Variants in MTUS2 observed in about 807,000 individuals in gnomAD.
MTUS2 encodes microtubule-associated tumor suppressor candidate 2.
In MTUS2, 40 loss-of-function variants were observed where a neutral mutation model predicts 114.1. The ratio of observed to expected loss-of-function variants is 0.35; its 90% CI spans 0.27 to 0.46. The LOEUF is 0.46. Among genes scored for constraint, MTUS2 ranks in the 20% least tolerant of loss-of-function variants. MTUS2 has a pLI of 1.00. For missense variants in MTUS2, 1,679 were observed against 1,705.4 expected (o/e 0.98, Z 0.27); for synonymous variants, 688 against 672.0 (o/e 1.02, Z -0.37).
chr13:29,445,064 G>C (rs564614886), intron 9 of MTUS2, among the ~76,000 whole-genome samples: 1 of 152,192 alleles, frequency 6.6e-6, no homozygotes, highest in African/African-American at 2.4e-5. Context: ...TATCACGACT[G>C]TATCTTCTAG....
intron 2 of MTUS2, among the ~76,000 whole-genome samples, chr13:29,004,270 A>C (rs1885509749): frequency 6.6e-6 from 1 of 152,222 alleles, no homozygotes; most frequent in Admixed American, 6.5e-5. Context: ...TATCCATGTA[A>C]ATGTAATAAA....
At chr13:29,140,866 A>G (rs1052210936) in intron 5 of MTUS2, among the ~76,000 whole-genome samples, 1 of 152,174 alleles carries the variant, frequency 6.6e-6, no homozygotes, top group Non-Finnish European at 1.5e-5. Context: ...ACAGCAAAGT[A>G]TATGCTCATG....
At chr13:29,426,403 G>A (rs558862559) in intron 8 of MTUS2, among the ~76,000 whole-genome samples, 23 of 152,308 alleles carry the variant, frequency 1.5e-4, no homozygotes, top group African/African-American at 4.6e-4. Flanking sequence ...TTACGCCATC[G>A]TAAAGTGGAA....
At chr13:28,978,462 G>A (rs1884215523) in intron 2 of MTUS2, among the ~76,000 whole-genome samples, 2 of 152,152 alleles carry the variant, frequency 1.3e-5, no homozygotes, top group African/African-American at 2.4e-5. Context: ...AGAATGAGAA[G>A]GGGGATATCA....
At chr13:28,945,247 C>T (rs1181105731) in intron 2 of MTUS2, among the ~76,000 whole-genome samples, 2 of 151,340 alleles carry the variant, frequency 1.3e-5, no homozygotes, top group Non-Finnish European at 2.9e-5. Flanking sequence ...AGGTTGATTC[C>T]ATATCTTTGC....
intron 5 of MTUS2, among the ~76,000 whole-genome samples, chr13:29,156,600 C>G (rs533055420): frequency 6.6e-6 from 1 of 152,130 alleles, no homozygotes; most frequent in African/African-American, 2.4e-5. Flanking sequence ...ACTAGACTCT[C>G]TGAGCTTCTT....
intron 9 of MTUS2, among the ~76,000 whole-genome samples, chr13:29,445,505 A>G (rs557320471): frequency 1.3e-5 from 2 of 152,324 alleles, no homozygotes; most frequent in East Asian, 3.9e-4. Flanking sequence ...AGAGCAAGGT[A>G]TATGGCAGGG....
chr13:29,290,064 C>T (rs983069613), intron 6 of MTUS2, among the ~76,000 whole-genome samples: 1 of 152,168 alleles, frequency 6.6e-6, no homozygotes, highest in Non-Finnish European at 1.5e-5. Flanking sequence ...ACCTGTCGTT[C>T]TACATATCTT....
At chr13:29,022,828 A>G (rs1397858906) in intron 2 of MTUS2, among the ~76,000 whole-genome samples, 4 of 152,248 alleles carry the variant, frequency 2.6e-5, no homozygotes, top group African/African-American at 9.6e-5. Flanking sequence ...ACAGAAAAGC[A>G]TATCCTGTGT....
At chr13:29,013,506 A>C (rs1885937838) in intron 2 of MTUS2, among the ~76,000 whole-genome samples, 1 of 152,216 alleles carries the variant, frequency 6.6e-6, no homozygotes, top group Non-Finnish European at 1.5e-5. Flanking sequence ...GCTTTATTTT[A>C]GGTATTATTT....
chr13:29,083,971 A>G (rs773002508), intron 4 of MTUS2, among the ~76,000 whole-genome samples: 1 of 152,114 alleles, frequency 6.6e-6, no homozygotes, highest in South Asian at 2.1e-4. Flanking sequence ...TGTGCCCTCT[A>G]TTTTTTGTTC....
chr13:29,017,479 T>C (rs1886114657), intron 2 of MTUS2, among the ~76,000 whole-genome samples: 1 of 152,222 alleles, frequency 6.6e-6, no homozygotes. Context: ...TACTTCTCAA[T>C]CTTTCGAAAC....
Position 29,236,012 on chromosome 13 carries a change from T to G in MTUS2, c.2645-45692T>G, listed in dbSNP as rs545162047. ...TTAAAATTTTATCTGAATCTCTGTC[T>G]TCCCCTCCTATATCCAGTATTATAT... On this transcript the variant is annotated intron_variant, in intron 5 of 15. Coordinates refer to ENST00000612955, the MANE Select transcript of MTUS2 (RefSeq NM_001033602.4). 6.6e-5 allele frequency among the ~76,000 whole-genome samples: 10 copies of G among 152,328 alleles called. No homozygotes were observed. The East Asian group carries it at 1.9e-3, about 29-fold the overall frequency.
intron 4 of MTUS2, among the ~76,000 whole-genome samples, chr13:29,039,453 G>A (rs1245063673): frequency 1.3e-5 from 2 of 152,210 alleles, no homozygotes; most frequent in Non-Finnish European, 1.5e-5. Context: ...ACGGAATCAG[G>A]GACGTCACAG....
rs780016832 is a variant in MTUS2, at chr13:29,024,736, C to T, written c.38C>T (p.Thr13Ile). The change falls in exon 3 of 16, where the codon ACT becomes ATT. Residue 13 changes from threonine to isoleucine, a missense_variant. Transcript: ENST00000612955. Reference sequence around the variant, plus strand: ...GTGGCTCCTAAGAAATCATGTTACACTCAGTTGCGGGACAACAGAAATGCA... The same window carrying T: ...GTGGCTCCTAAGAAATCATGTTACATTCAGTTGCGGGACAACAGAAATGCA... ...VPVAPKKSCYTQLRDNRNAAR... is the reference protein window; with the variant it reads ...VPVAPKKSCYIQLRDNRNAAR... 3.1e-6 allele frequency: 5 copies of T among 1,614,018 alleles called. No homozygotes were observed. Among genetic ancestry groups the T allele is most frequent in the Non-Finnish European group, 4.2e-6 (5 of 1,179,896 alleles).
chr13:29,169,620 T>C (rs1331572862), intron 5 of MTUS2, among the ~76,000 whole-genome samples: 2 of 152,238 alleles, frequency 1.3e-5, no homozygotes, highest in Non-Finnish European at 2.9e-5. Context: ...ATTTTATACA[T>C]ATAAATAGAA....
At chr13:28,978,092 A>AT (rs1387145619) in intron 2 of MTUS2, among the ~76,000 whole-genome samples, 3 of 152,178 alleles carry the variant, frequency 2.0e-5, no homozygotes, top group South Asian at 2.1e-4. Flanking sequence ...AAAGAACTGT[A>AT]TTTTTTTCTG....
At chr13:29,200,449 C>T (rs972539815) in intron 5 of MTUS2, among the ~76,000 whole-genome samples, 5 of 151,256 alleles carry the variant, frequency 3.3e-5, no homozygotes, top group African/African-American at 4.9e-5. Context: ...TCGTTATTTA[C>T]CCAGTAGTCA....
At chr13:29,166,433 G>C (rs940466308) in intron 5 of MTUS2, among the ~76,000 whole-genome samples, 9 of 152,176 alleles carry the variant, frequency 5.9e-5, no homozygotes, top group South Asian at 2.1e-4. Flanking sequence ...TGTTCCAGCA[G>C]CTCTAGACAG....
Sources: allele counts gnomAD v4.1 joint callset (sites outside exome capture counted in the v4.1 genomes callset), GRCh38; gene constraint gnomAD v4.1.1; transcripts MANE v1.5; gene names NCBI Gene and HGNC (gene_info 2026-07-23, HGNC 2026-07-21).